DBF4B: variants seen among roughly 807,000 people sequenced by gnomAD.
DBF4B encodes DBF4B-CDC7 kinase regulatory subunit.
A neutral mutation model predicts 53.4 loss-of-function variants in DBF4B; 49 were observed. The observed-to-expected ratio is 0.92, with a 90% CI of 0.73 to 1.16. The LOEUF (loss-of-function observed/expected upper bound fraction) is 1.16. Ranked by LOEUF, DBF4B falls within the 50% of genes most tolerant of loss-of-function variation. DBF4B has a pLI of 0.00. For missense variants in DBF4B, 692 were observed against 775.0 expected (o/e 0.89, Z 1.27); for synonymous variants, 257 against 288.7 (o/e 0.89, Z 1.11).
rs762972451 is a variant in DBF4B, at chr17:44,749,382, C to A, written c.1189+917C>A. ...ATTGAAGGGCCACAGATACAACTTA[C>A]TCCTCTGCTGGGTGCTGCACACCCG... On this transcript the variant is annotated intron_variant, in intron 13 of 13. Coordinates refer to ENST00000315005, the MANE Select transcript of DBF4B (RefSeq NM_145663.3). The surrounding 1 kb of genome is among the most constrained non-coding windows in gnomAD (Gnocchi z 4.4). 1.6e-6 allele frequency: 2 copies of A among 1,289,538 alleles called. No homozygotes were observed. Among genetic ancestry groups the A allele is most frequent in the South Asian group, 2.5e-5 (2 of 81,122 alleles). The allele number at this position is 1,289,538 out of a possible 1,614,324, so 79.9% of individuals were successfully genotyped here. A position where few individuals can be genotyped will look rare whatever the true frequency, so the allele number is the denominator to read the frequency against.
At chr17:44,732,071 C>A in intron 5 of DBF4B, 107 bp from the exon 6 acceptor site, 3 of 1,027,112 alleles carry the variant, frequency 2.9e-6, no homozygotes, top group East Asian at 2.6e-5. Flanking sequence ...CCCTGCAGTC[C>A]CTCCCATGGA....
chr17:44,709,181 T>TC, intron 1 of DBF4B, 123 bp from the exon 2 acceptor site: 2 of 1,253,870 alleles, frequency 1.6e-6, no homozygotes, highest in Non-Finnish European at 2.3e-6. Flanking sequence ...GGAATGGAGT[T>TC]GAGTCTTGCT....
intron 4 of DBF4B, 53 bp from the exon 5 acceptor site, chr17:44,730,912 T>G (rs80233240): frequency 0.017 from 27,911 of 1,598,256 alleles, 289 homozygotes; most frequent in Non-Finnish European, 0.02. Context: ...TAAACATCTT[T>G]CAGTGCACAG....
At chr17:44,712,467 G>A (rs753642884) in intron 2 of DBF4B, among the ~76,000 whole-genome samples, 2 of 151,650 alleles carry the variant, frequency 1.3e-5, no homozygotes, top group African/African-American at 2.4e-5. Flanking sequence ...ACCATGACTG[G>A]CTAATTTTTT....
chr17:44,736,744 A>G, intron 7 of DBF4B, 86 bp from the exon 8 acceptor site: 1 of 1,472,766 alleles, frequency 6.8e-7, no homozygotes, highest in Non-Finnish European at 9.5e-7. Flanking sequence ...AGTGGGACAG[A>G]CTGGCAGCCA....
At chr17:44,725,914 C>T (rs1184908431) in intron 3 of DBF4B, among the ~76,000 whole-genome samples, 1 of 151,924 alleles carries the variant, frequency 6.6e-6, no homozygotes, top group Non-Finnish European at 1.5e-5. Flanking sequence ...TCACGACCTC[C>T]TGGATTCAAG....
intron 6 of DBF4B, 181 bp downstream of exon 6, chr17:44,732,446 A>G (rs1974922310): frequency 2.9e-6 from 2 of 679,180 alleles, no homozygotes; most frequent in Non-Finnish European, 5.0e-6. Context: ...GTGAGGACGC[A>G]GAGTGCAGGC....
At position 44,732,041 on chromosome 17, in the gene DBF4B, A is replaced by T. The variant is rs548082193; in HGVS notation, c.469-137A>T. The T allele has an allele frequency of 1.1e-5, 8 of 731,960 alleles. No homozygotes were observed. In the South Asian group the frequency reaches 1.4e-4, roughly 13 times the overall value. The allele number at this position is 731,960 out of a possible 1,614,324, so 45.3% of individuals were successfully genotyped here. A position where few individuals can be genotyped will look rare whatever the true frequency, so the allele number is the denominator to read the frequency against. ...TTGGGATGGACTCTCTGGGCACTGT[A>T]CTCTCTCTCCTACCTGCCTCCCTGC... is the stretch of plus-strand genomic sequence containing the variant. On this transcript the variant is annotated intron_variant, in intron 5 of 13. Coordinates refer to ENST00000315005, the MANE Select transcript of DBF4B (RefSeq NM_145663.3).
At chr17:44,744,078 A>G (rs1490457946) in intron 10 of DBF4B, among the ~76,000 whole-genome samples, 7 of 12,074 alleles carry the variant, frequency 5.8e-4, no homozygotes, top group Admixed American at 4.5e-3. Context: ...ACATAATGAG[A>G]CCACCCCCCC....
rs547747767 is a variant in DBF4B, at chr17:44,745,755, G to A, written c.831-1328G>A. On this transcript the variant is annotated intron_variant, in intron 10 of 13. Transcript: ENST00000315005. Reference sequence around the variant, plus strand: ...TGCCATGCATACATATTTTAAAGTTGTATATAGCTGAATTTATGAGTTTTT... The same window carrying A: ...TGCCATGCATACATATTTTAAAGTTATATATAGCTGAATTTATGAGTTTTT... Among the ~76,000 whole-genome samples the A allele has an allele frequency of 3.3e-5, 5 of 152,330 alleles. No individual in the cohort carries two copies. In the South Asian group the frequency reaches 1.0e-3, roughly 32 times the overall value.
chr17:44,712,104 GAA>G (rs1277383635), intron 2 of DBF4B, among the ~76,000 whole-genome samples: 2 of 101,548 alleles, frequency 2.0e-5, no homozygotes, highest in African/African-American at 3.4e-5. Flanking sequence ...TCTCAAAAAA[GAA>G]AAAAAAAAAA....
Position 44,749,230 on chromosome 17 carries a change from G to A in DBF4B, c.1189+765G>A. 1 of 1,290,464 alleles carries A rather than the reference G, an allele frequency of 7.7e-7. No individual in the cohort carries two copies. The highest frequency in any genetic ancestry group is 1.0e-6 in the Non-Finnish European group (1 of 988,878). The allele number at this position is 1,290,464 out of a possible 1,614,324, so 79.9% of individuals were successfully genotyped here. ...CCTCTGGGCCCCCCAGCCTCTCCAG[G>A]TGCCCTGTCTCCCTGTCTCCCAGCC... On this transcript the variant is annotated intron_variant, in intron 13 of 13. Coordinates refer to ENST00000315005, the MANE Select transcript of DBF4B (RefSeq NM_145663.3). The surrounding 1 kb of genome is among the most constrained non-coding windows in gnomAD (Gnocchi z 4.4).
At chr17:44,709,205 G>A in intron 1 of DBF4B, 99 bp from the exon 2 acceptor site, 1 of 1,477,230 alleles carries the variant, frequency 6.8e-7, no homozygotes, top group Non-Finnish European at 9.5e-7. Flanking sequence ...CCCAGGAGTC[G>A]CGTTTCTGTG....
At chr17:44,746,453 C>T (rs1326654172) in intron 10 of DBF4B, among the ~76,000 whole-genome samples, 1 of 152,086 alleles carries the variant, frequency 6.6e-6, no homozygotes, top group Non-Finnish European at 1.5e-5. Flanking sequence ...TAGGTTTGAG[C>T]ACAGAGTTGG....
rs60326279 is a variant in DBF4B at position 44,727,098 on chromosome 17, CAAAAA to C, written c.226-2787_226-2783del. 2.4e-4 allele frequency among the ~76,000 whole-genome samples: 12 copies of C among 49,514 alleles called. 1 individual carries two copies. Among genetic ancestry groups the C allele is most frequent in the African/African-American group, 8.9e-4 (11 of 12,398 alleles). 32.5% of individuals were successfully genotyped at this position (49,514 alleles called of 152,430 possible). A position where few individuals can be genotyped will look rare whatever the true frequency, so the allele number is the denominator to read the frequency against. On this transcript the variant is annotated intron_variant, in intron 3 of 13. Coordinates refer to ENST00000315005, the MANE Select transcript of DBF4B (RefSeq NM_145663.3). ...TGGGCAACAAAGCAAGACTCCATCT[CAAAAA>C]AAAAAAAAAAAAAAAAAAACCATAT... is the stretch of plus-strand genomic sequence containing the variant.
chr17:44,716,271 G>A lies in DBF4B; in HGVS notation c.83-6609G>A, dbSNP rs138747716. ...GCAATTTTGTGGGGGAGGGACCTCAGTTGTCACTAGTTTGTATGTTTTTGT... is the reference window on the plus strand; with the variant it reads ...GCAATTTTGTGGGGGAGGGACCTCAATTGTCACTAGTTTGTATGTTTTTGT... On this transcript the variant is annotated intron_variant, in intron 2 of 13. Coordinates refer to ENST00000315005, the MANE Select transcript of DBF4B (RefSeq NM_145663.3). 1.4e-3 allele frequency among the ~76,000 whole-genome samples: 219 copies of A among 152,210 alleles called. 1 individual carries two copies. The highest frequency in any genetic ancestry group is 4.9e-3 in the African/African-American group (203 of 41,522).
Position 44,749,821 on chromosome 17 carries a change from G to A in DBF4B, c.1190-774G>A, listed in dbSNP as rs1360603249. 1.4e-5 allele frequency: 14 copies of A among 1,033,670 alleles called. No homozygotes were observed. Among genetic ancestry groups the A allele is most frequent in the Non-Finnish European group, 1.6e-5 (14 of 859,106 alleles). 64.0% of individuals were successfully genotyped at this position (1,033,670 alleles called of 1,614,324 possible). On this transcript the variant is annotated intron_variant, in intron 13 of 13. Transcript: ENST00000315005. The surrounding 1 kb of genome is among the most constrained non-coding windows in gnomAD (Gnocchi z 4.4). ...GTTGGTGTGCTCCACCCCCAACCCCGGCCTCCTTTCTCACGAGCATGTGGC... is the reference window on the plus strand; with the variant it reads ...GTTGGTGTGCTCCACCCCCAACCCCAGCCTCCTTTCTCACGAGCATGTGGC...
intron 12 of DBF4B, 129 bp from the exon 13 acceptor site, chr17:44,748,212 G>A: frequency 8.1e-7 from 1 of 1,241,882 alleles, no homozygotes; most frequent in Non-Finnish European, 1.1e-6. Context: ...TTTCACACAG[G>A]GCCTCAGAGA....
At chr17:44,731,106 C>G in intron 5 of DBF4B, 91 bp downstream of exon 5, 2 of 1,391,922 alleles carry the variant, frequency 1.4e-6, no homozygotes, top group Middle Eastern at 1.8e-4. Flanking sequence ...AGCACCCACA[C>G]AAAATGCACA....
Sources: gnomAD v4.1 joint callset for allele counts (sites outside exome capture counted in the v4.1 genomes callset) on GRCh38, gnomAD v4.1.1 for gene constraint, Gnocchi (gnomAD v3.1) non-coding constraint, MANE v1.5 for transcripts, NCBI Gene and HGNC (gene_info 2026-07-23, HGNC 2026-07-21) for gene names.